PDZRN3: variants seen among roughly 807,000 people sequenced by gnomAD.
PDZRN3 encodes E3 ubiquitin-protein ligase PDZRN3.
PDZRN3 carries 38 observed loss-of-function variants against 85.7 expected under a neutral mutation model. The ratio of observed to expected loss-of-function variants is 0.44; its 90% CI spans 0.34 to 0.58. The LOEUF (loss-of-function observed/expected upper bound fraction) is 0.58, where lower values mean the gene tolerates loss of function less well. PDZRN3 is among the 20% of genes least tolerant of loss of function. PDZRN3 has a pLI of 0.01. For missense variants in PDZRN3, 1,629 were observed against 1,506.4 expected (o/e 1.08, Z -1.35); for synonymous variants, 759 against 638.0 (o/e 1.19, Z -2.86).
chr3:73,605,698 A>G (rs746532017), intron 2 of PDZRN3, among the ~76,000 whole-genome samples: 1 of 152,224 alleles, frequency 6.6e-6, no homozygotes, highest in Non-Finnish European at 1.5e-5. Flanking sequence ...CATGTACTCA[A>G]TGACCTGCCA....
chr3:73,618,411 C>A (rs113170844), intron 1 of PDZRN3, among the ~76,000 whole-genome samples: 4 of 152,076 alleles, frequency 2.6e-5, no homozygotes, highest in Non-Finnish European at 5.9e-5. Flanking sequence ...GGAGATGGGC[C>A]ACACTGGGTT....
chr3:73,515,467 C>A (rs1401418580), intron 3 of PDZRN3, among the ~76,000 whole-genome samples: 1 of 152,174 alleles, frequency 6.6e-6, no homozygotes, highest in Non-Finnish European at 1.5e-5. Context: ...TGAGCCACCA[C>A]GCCCGGCCCA....
At chr3:73,605,688 C>T (rs1316246020) in intron 2 of PDZRN3, among the ~76,000 whole-genome samples, 2 of 152,192 alleles carry the variant, frequency 1.3e-5, no homozygotes, top group Non-Finnish European at 2.9e-5. Context: ...GGCTTTTTAG[C>T]ATGTACTCAA....
intron 3 of PDZRN3, among the ~76,000 whole-genome samples, chr3:73,452,647 A>G (rs1702886364): frequency 6.6e-6 from 1 of 152,106 alleles, no homozygotes; most frequent in East Asian, 1.9e-4. Flanking sequence ...GAAAACTTGG[A>G]TTTTTAAAGC....
intron 3 of PDZRN3, among the ~76,000 whole-genome samples, chr3:73,570,880 T>G (rs1003294350): frequency 6.6e-6 from 1 of 152,154 alleles, no homozygotes; most frequent in African/African-American, 2.4e-5. Flanking sequence ...AAGGTATTAG[T>G]TTTATTCTTG....
At position 73,624,380 on chromosome 3, in the gene PDZRN3, G is replaced by A. The variant is rs1318026875; in HGVS notation, c.446C>T (p.Pro149Leu). 1.7e-5 allele frequency: 22 copies of A among 1,315,104 alleles called. No homozygotes were observed. Among genetic ancestry groups the A allele is most frequent in the Non-Finnish European group, 2.1e-5 (22 of 1,038,716 alleles). 81.5% of individuals were successfully genotyped at this position (1,315,104 alleles called of 1,614,324 possible). ...VGRCQEGCGL[P>L]LTHGEQRAGG... The stretch of plus-strand genomic sequence containing the variant: ...CGCGCGCTGCTCGCCGTGCGTCAAG[G>A]GTAGCCCGCAGCCCTCCTGGCAGCG... Residue 149 changes from proline (P) to leucine (L), a missense_variant, in exon 1 of 10, where the codon CCC becomes CTC. By Grantham distance (98) the Pro-to-Leu change is moderately conservative. Coordinates refer to ENST00000263666, the MANE Select transcript of PDZRN3 (RefSeq NM_015009.3).
intron 1 of PDZRN3, among the ~76,000 whole-genome samples, chr3:73,612,938 C>T (rs1702706308): frequency 6.6e-6 from 1 of 152,182 alleles, no homozygotes. Context: ...CAGTGTTAAG[C>T]TGGACATTCA....
At chr3:73,411,085 G>A (rs554089285) in intron 3 of PDZRN3, among the ~76,000 whole-genome samples, 4 of 152,360 alleles carry the variant, frequency 2.6e-5, no homozygotes, top group Admixed American at 1.3e-4. Flanking sequence ...AGTATTCAGT[G>A]AGAAGTGGTT....
intron 1 of PDZRN3, among the ~76,000 whole-genome samples, chr3:73,610,230 A>G (rs753371694): frequency 2.6e-5 from 4 of 152,246 alleles, no homozygotes; most frequent in Non-Finnish European, 5.9e-5. Flanking sequence ...TCATTTCTTA[A>G]GAGTCACTTA....
chr3:73,500,834 A>C (rs1403326332), intron 3 of PDZRN3, among the ~76,000 whole-genome samples: 2 of 152,134 alleles, frequency 1.3e-5, no homozygotes, highest in Non-Finnish European at 2.9e-5. Context: ...TAAGGCTTTC[A>C]TTTCTTCACA....
rs1167666219 is a variant in PDZRN3 at position 73,563,005 on chromosome 3, ATATATATATTTTTT to A, written c.918+39335_918+39348del. 5.2e-4 allele frequency among the ~76,000 whole-genome samples: 20 copies of A among 38,410 alleles called. No individual in the cohort carries two copies. The East Asian group carries it at 6.8e-3, about 13-fold the overall frequency. The allele number at this position is 38,410 out of a possible 152,430, so 25.2% of individuals were successfully genotyped here. A position where few individuals can be genotyped will look rare whatever the true frequency, so the allele number is the denominator to read the frequency against. On this transcript the variant is annotated intron_variant, in intron 3 of 9. Coordinates refer to ENST00000263666, the MANE Select transcript of PDZRN3 (RefSeq NM_015009.3). Reference sequence around the variant, plus strand: ...AAATTATATATATATATATATATATATATATATATTTTTTTTTTTTTTTTTTTTTTTGAGACAGA... The same window carrying A: ...AAATTATATATATATATATATATATATTTTTTTTTTTTTTTTTGAGACAGA...
chr3:73,547,680 C>G (rs983027387), intron 3 of PDZRN3, among the ~76,000 whole-genome samples: 1 of 152,182 alleles, frequency 6.6e-6, no homozygotes, highest in Non-Finnish European at 1.5e-5. Flanking sequence ...CTCACTGTCA[C>G]GTGGGGTGTA....
intron 3 of PDZRN3, among the ~76,000 whole-genome samples, chr3:73,563,013 A>ATATTTTT (rs1187151191): frequency 4.6e-5 from 2 of 43,762 alleles, no homozygotes; most frequent in African/African-American, 2.0e-4. Flanking sequence ...ATATATATAT[A>ATATTTTT]TTTTTTTTTT....
intron 3 of PDZRN3, among the ~76,000 whole-genome samples, chr3:73,601,667 C>G (rs1378476396): frequency 1.3e-5 from 2 of 152,174 alleles, no homozygotes; most frequent in Non-Finnish European, 2.9e-5. Context: ...CTTTTAGTGA[C>G]TCAGAGCATC....
At chr3:73,444,516 G>A (rs557900119) in intron 3 of PDZRN3, among the ~76,000 whole-genome samples, 68 of 152,298 alleles carry the variant, frequency 4.5e-4, no homozygotes, top group Non-Finnish European at 8.1e-4. Flanking sequence ...CTTCATTACC[G>A]TGATTAATCA....
chr3:73,548,199 G>A (rs1701472178), intron 3 of PDZRN3, among the ~76,000 whole-genome samples: 1 of 152,172 alleles, frequency 6.6e-6, no homozygotes, highest in East Asian at 1.9e-4. Flanking sequence ...TAGGTGCTAC[G>A]TAGAGAGAGA....
At chr3:73,414,980 C>A (rs2106757591) in intron 3 of PDZRN3, among the ~76,000 whole-genome samples, 1 of 152,354 alleles carries the variant, frequency 6.6e-6, no homozygotes, top group East Asian at 1.9e-4. Flanking sequence ...ACGTACCATG[C>A]AGTATGCTTG....
In PDZRN3 at chr3:73,389,825, G is replaced by A. The variant is rs774920073; in HGVS notation, c.1407C>T (p.Arg469=). Residue 469 remains arginine, a synonymous_variant, in exon 7 of 10, where the codon CGC becomes CGT. Coordinates refer to ENST00000263666, the MANE Select transcript of PDZRN3 (RefSeq NM_015009.3). ...TTGGAAGTGGACTTACCTGGATAATGCGGTCTCCTTCTCGGATGCGCCCAT... is the reference window on the plus strand; with the variant it reads ...TTGGAAGTGGACTTACCTGGATAATACGGTCTCCTTCTCGGATGCGCCCAT... ...AKDGRIREGD[R]IIQINGIEVQ... The A allele has an allele frequency of 1.9e-6, 3 of 1,612,230 alleles. No individual in the cohort carries two copies. The highest frequency in any genetic ancestry group is 1.7e-5 in the Admixed American group (1 of 60,024).
At chr3:73,415,127 T>C (rs1352871657) in intron 3 of PDZRN3, among the ~76,000 whole-genome samples, 1 of 152,090 alleles carries the variant, frequency 6.6e-6, no homozygotes, top group Non-Finnish European at 1.5e-5. Flanking sequence ...CCCTAGGAAG[T>C]TGACAGTCTG....
Sources: gnomAD v4.1 joint callset for allele counts (sites outside exome capture counted in the v4.1 genomes callset) on GRCh38, gnomAD v4.1.1 for gene constraint, MANE v1.5 for transcripts, NCBI Gene and HGNC (gene_info 2026-07-23, HGNC 2026-07-21) for gene names.